USP24: variants seen among roughly 807,000 people sequenced by gnomAD.
The protein encoded by USP24 is ubiquitin specific peptidase 24.
A neutral mutation model predicts 361.6 loss-of-function variants in USP24; 97 were observed. The ratio of observed to expected loss-of-function variants is 0.27; its 90% CI spans 0.23 to 0.32. USP24 has a LOEUF of 0.32. Among genes scored for constraint, USP24 ranks in the 10% least tolerant of loss-of-function variants. The pLI, the probability that USP24 is intolerant of heterozygous loss-of-function variation, is 1.00. For synonymous variants in USP24, 1,098 were observed against 1,124.6 expected (o/e 0.98, Z 0.47); for missense variants, 2,353 against 3,165.6 (o/e 0.74, Z 6.16).
In USP24 at chr1:55,096,691, C is replaced by T. The variant is rs961433248; in HGVS notation, c.5937-69G>A. 2.6e-6 allele frequency: 4 copies of T among 1,538,296 alleles called. No individual in the cohort carries two copies. The African/African-American group carries it at 4.2e-5, about 16-fold the overall frequency. ...CAACCTCCTCATCCTTAGCATTGAT[C>T]TCAATGTATTGTCTACAAATAAAGC... On this transcript the variant is annotated intron_variant, in intron 49 of 67. Coordinates refer to ENST00000294383, the MANE Select transcript of USP24 (RefSeq NM_015306.3).
chr1:55,207,003 C>T (rs1373199266), intron 1 of USP24, among the ~76,000 whole-genome samples: 1 of 151,882 alleles, frequency 6.6e-6, no homozygotes, highest in Admixed American at 6.6e-5. Flanking sequence ...CCTATATCTA[C>T]AAAAAAGAAT....
At chr1:55,098,986 T>C (rs781407960) in intron 45 of USP24, among the ~76,000 whole-genome samples, 1 of 152,052 alleles carries the variant, frequency 6.6e-6, no homozygotes, top group Non-Finnish European at 1.5e-5. Flanking sequence ...GGCAATACCG[T>C]TTAGGAAGTC....
Position 55,075,467 on chromosome 1 carries a change from AT to A in USP24, c.7436del (p.Asn2479MetfsTer4). 6.2e-7 allele frequency: 1 copy of A among 1,603,274 alleles called. No individual in the cohort carries two copies. The highest frequency in any genetic ancestry group is 8.5e-7 in the Non-Finnish European group (1 of 1,174,878). ...ACCAGGCATACTTGCCTAGTAATCC[AT>A]TTTCTGTCTCAAACACAAATTTGAC... ...ERVKFVFETENGLLALMHHSN... is the reference protein window; with the variant it reads ...ERVKFVFETEXGLLALMHHSN... On this transcript the variant is annotated frameshift_variant, in exon 63 of 68. Transcript: ENST00000294383. LOFTEE classifies it high-confidence loss of function.
At chr1:55,180,559 C>T (rs868392450) in intron 1 of USP24, among the ~76,000 whole-genome samples, 1 of 152,342 alleles carries the variant, frequency 6.6e-6, no homozygotes, top group Middle Eastern at 3.4e-3. Context: ...AAACTGCTGT[C>T]TGAATCCCAT....
At chr1:55,210,962 T>C (rs561232182) in intron 1 of USP24, among the ~76,000 whole-genome samples, 19 of 152,376 alleles carry the variant, frequency 1.2e-4, no homozygotes, top group Non-Finnish European at 2.5e-4. Context: ...ACAAACTTAA[T>C]GAATAAGGTA....
At position 55,181,636 on chromosome 1, in the gene USP24, G is replaced by T. The variant is rs189647943; in HGVS notation, c.325-3504C>A. 5.2e-4 allele frequency among the ~76,000 whole-genome samples: 79 copies of T among 152,236 alleles called. No homozygotes were observed. The East Asian group carries it at 8.7e-3, about 17-fold the overall frequency. ...TAAGTGGGTATACGTCATTACTATG[G>T]AGTATCTATCATTAATTTCTATAGA... On this transcript the variant is annotated intron_variant, in intron 1 of 67. Coordinates refer to ENST00000294383, the MANE Select transcript of USP24 (RefSeq NM_015306.3).
intron 40 of USP24, among the ~76,000 whole-genome samples, chr1:55,106,776 C>T (rs796818362): frequency 3.9e-5 from 6 of 152,172 alleles, no homozygotes; most frequent in African/African-American, 1.4e-4. Context: ...TTTCATTTGT[C>T]TTCTGAATAC....
chr1:55,090,913 C>T (rs976751842), intron 54 of USP24, among the ~76,000 whole-genome samples: 2 of 152,126 alleles, frequency 1.3e-5, no homozygotes, highest in Admixed American at 6.5e-5. Context: ...GGCGAAACCC[C>T]GTCTCTACTA....
rs377265311 is a variant in USP24, at chr1:55,155,042, C to G, written c.1447-264G>C. On this transcript the variant is annotated intron_variant, in intron 12 of 67. Transcript: ENST00000294383. ...AAAAAAACCCCATGAGAATCAAGTT[C>G]TCAGTGTGACATATTTCACTTCAAG... Among the ~76,000 whole-genome samples the G allele has an allele frequency of 5.7e-4, 86 of 151,708 alleles. 2 individuals are homozygous for G. In the South Asian group the frequency reaches 0.017, roughly 30 times the overall value.
chr1:55,076,254 G>A (rs1645029736), intron 62 of USP24, among the ~76,000 whole-genome samples: 2 of 152,198 alleles, frequency 1.3e-5, no homozygotes, highest in Admixed American at 1.3e-4. Context: ...GTACTGAACT[G>A]TGCATGGTAT....
intron 9 of USP24, 83 bp downstream of exon 9, chr1:55,159,528 G>A (rs1648045810): frequency 1.7e-6 from 2 of 1,144,766 alleles, no homozygotes; most frequent in Non-Finnish European, 2.5e-6. Flanking sequence ...CAAAGAGCAT[G>A]GTGTGTGAAC....
intron 1 of USP24, among the ~76,000 whole-genome samples, chr1:55,199,531 T>G (rs1644507412): frequency 6.6e-6 from 1 of 152,004 alleles, no homozygotes; most frequent in Non-Finnish European, 1.5e-5. Flanking sequence ...CACATTAAAG[T>G]ATTTAGGAGT....
chr1:55,118,302 T>G (rs1646179386), intron 38 of USP24, among the ~76,000 whole-genome samples: 2 of 152,030 alleles, frequency 1.3e-5, no homozygotes, highest in Non-Finnish European at 2.9e-5. Context: ...AATATAGAAC[T>G]CAAAAATATG....
intron 1 of USP24, among the ~76,000 whole-genome samples, chr1:55,204,553 C>G (rs1008258612): frequency 1.3e-5 from 2 of 152,166 alleles, no homozygotes; most frequent in African/African-American, 4.8e-5. Context: ...ATCCTAGAGG[C>G]ACTATACAAA....
chr1:55,108,750 T>C (rs1443136302), intron 39 of USP24, among the ~76,000 whole-genome samples: 1 of 152,210 alleles, frequency 6.6e-6, no homozygotes, highest in Non-Finnish European at 1.5e-5. Flanking sequence ...TGTAGCCAAC[T>C]CATGATTCCT....
chr1:55,128,104 T>A (rs959642785), intron 32 of USP24, among the ~76,000 whole-genome samples: 1 of 152,130 alleles, frequency 6.6e-6, no homozygotes, highest in Non-Finnish European at 1.5e-5. Flanking sequence ...GTTCGTTCCA[T>A]CTCTCTGTGT....
chr1:55,090,102 A>G (rs1005478273), intron 54 of USP24, among the ~76,000 whole-genome samples: 4 of 152,218 alleles, frequency 2.6e-5, no homozygotes, highest in African/African-American at 4.8e-5. Context: ...TTACACTCAC[A>G]AAATGTCCAC....
In USP24 at chr1:55,211,115, T is replaced by C. The variant is rs139275066; in HGVS notation, c.324+3675A>G. The stretch of plus-strand genomic sequence containing the variant: ...GATTACAAAGGCCCAACTCTTCCTG[T>C]TGTGTAGAGAACAGAACCAATTGGT... On this transcript the variant is annotated intron_variant, in intron 1 of 67. Coordinates refer to ENST00000294383, the MANE Select transcript of USP24 (RefSeq NM_015306.3). Among the ~76,000 whole-genome samples the C allele has an allele frequency of 2.7e-3, 408 of 152,332 alleles. 2 individuals carry two copies. The highest frequency in any genetic ancestry group is 9.7e-3 in the African/African-American group (402 of 41,576).
chr1:55,078,704 C>T, intron 60 of USP24, 53 bp from the exon 61 acceptor site: 1 of 1,413,032 alleles, frequency 7.1e-7, no homozygotes, highest in Non-Finnish European at 9.6e-7. Context: ...GTTAACACTC[C>T]ATCTGTTGTT....
Sources: allele counts gnomAD v4.1 joint callset (sites outside exome capture counted in the v4.1 genomes callset), GRCh38; gene constraint gnomAD v4.1.1; transcripts MANE v1.5; gene names NCBI Gene and HGNC (gene_info 2026-07-23, HGNC 2026-07-21).